CENPM: variants seen among roughly 807,000 people sequenced by gnomAD.
CENPM encodes centromere protein M, also known as interphase centromere complex protein 39.
CENPM carries 14 observed loss-of-function variants against 19.6 expected under a neutral mutation model. That is an observed-to-expected ratio of 0.71 (90% confidence interval 0.47 to 1.11). The LOEUF (loss-of-function observed/expected upper bound fraction) is 1.11, where lower values mean the gene tolerates loss of function less well. CENPM is among the 50% of genes most tolerant of loss of function. The probability of loss-of-function intolerance (pLI) is 0.00; values close to 1 mark genes in which losing one functional copy is unlikely to be tolerated. For missense variants in CENPM, 239 were observed against 228.4 expected (o/e 1.05, Z -0.30); for synonymous variants, 114 against 101.5 (o/e 1.12, Z -0.74).
intron 5 of CENPM, among the ~76,000 whole-genome samples, 168 bp from the exon 6 acceptor site, chr22:41,939,364 A>G (rs1055415875): frequency 2.6e-5 from 4 of 152,210 alleles, no homozygotes; most frequent in Non-Finnish European, 5.9e-5. Flanking sequence ...ACCTCAGAGT[A>G]GCTTCCAACT....
At chr22:41,938,014 G>A (rs976197637), downstream of CENPM, among the ~76,000 whole-genome samples, 4 of 147,666 alleles carry the variant, frequency 2.7e-5, no homozygotes, top group African/African-American at 1.0e-4. Flanking sequence ...TGGCTAATTT[G>A]TTTGTATTTT....
chr22:41,929,975 T>G, the CENPM span, among the ~76,000 whole-genome samples: 8 of 129,672 alleles, frequency 6.2e-5, no homozygotes, highest in East Asian at 2.7e-4. Context: ...ACGGAGTCTC[T>G]CTCTGTCGCC....
intron 5 of CENPM, among the ~76,000 whole-genome samples, chr22:41,941,823 G>T (rs1724133415): frequency 6.6e-6 from 1 of 152,252 alleles, no homozygotes; most frequent in Non-Finnish European, 1.5e-5. Flanking sequence ...GCGTGATAGA[G>T]TCAAGTGTGT....
At position 41,945,216 on chromosome 22, in the gene CENPM, C is replaced by A; in HGVS notation, c.310+9G>T. 1 of 1,613,932 alleles carries A rather than the reference C, an allele frequency of 6.2e-7. No individual in the cohort carries two copies. The highest frequency in any genetic ancestry group is 8.5e-7 in the Non-Finnish European group (1 of 1,179,972). On this transcript the variant is annotated intron_variant, in intron 4 of 5. Coordinates refer to ENST00000215980, the MANE Select transcript of CENPM (RefSeq NM_024053.5). ...GGGGTGGGCAGTAACAGGCGAGGAA[C>A]GTACTTACCACCTGTGGCGAGGAAA...
At chr22:41,928,132 G>A in the CENPM span, 1 of 395,180 alleles carries the variant, frequency 2.5e-6, no homozygotes, top group Non-Finnish European at 5.0e-6. The surrounding 1 kb of genome is among the most constrained non-coding windows in gnomAD (Gnocchi z 4.0). Flanking sequence ...ACACGAGGGA[G>A]CCACTGGGGC....
At position 41,943,648 on chromosome 22, in the gene CENPM, G is replaced by A; in HGVS notation, c.364C>T (p.His122Tyr). The A allele has an allele frequency of 1.9e-6, 3 of 1,613,902 alleles. No homozygotes were observed. The highest frequency in any genetic ancestry group is 2.5e-6 in the Non-Finnish European group (3 of 1,179,928). ...IHRHTVVKLA[H>Y]TYQSPLLYCD... ...TAGAGCAGGGGGCTTTGATAGGTGT[G>A]GGCCAGCTTCACCACGGTGTGCCGG... Residue 122 changes from histidine to tyrosine, a missense_variant, in exon 5 of 6, where the codon CAC (histidine) becomes TAC (tyrosine). By Grantham distance (83) the His-to-Tyr change is moderately conservative. Coordinates refer to ENST00000215980, the MANE Select transcript of CENPM (RefSeq NM_024053.5).
intron 5 of CENPM, among the ~76,000 whole-genome samples, chr22:41,939,868 GAAAGAAAGAAAAAGAA>G (rs2077719202): frequency 1.1e-4 from 1 of 9,296 alleles, no homozygotes; most frequent in African/African-American, 4.9e-4. Flanking sequence ...AAGAAAGAAA[GAAAGAAAGAAAAAGAA>G]AGAAAGAAAG....
chr22:41,940,339 GCACGTCATTTAC>G, intron 5 of CENPM: 1 of 579,734 alleles, frequency 1.7e-6, no homozygotes, highest in Non-Finnish European at 3.1e-6. Flanking sequence ...CCACTTTCCA[GCACGTCATTTAC>G]CCCATTTGTT....
chr22:41,932,584 G>C, the CENPM span, among the ~76,000 whole-genome samples: 1 of 152,264 alleles, frequency 6.6e-6, no homozygotes, highest in African/African-American at 2.4e-5. This position sits in a 1 kb window ranked among gnomAD's most constrained non-coding sequence, Gnocchi z 4.3. Flanking sequence ...GCACTCCACA[G>C]GGTCTGGCCA....
At chr22:41,944,032 G>T in intron 4 of CENPM, 1 of 888,988 alleles carries the variant, frequency 1.1e-6, no homozygotes, top group Non-Finnish European at 1.3e-6. Context: ...AGCTGGGAAG[G>T]CAGACAGGTC....
chr22:41,932,918 T>C, the CENPM span, among the ~76,000 whole-genome samples: 6 of 152,188 alleles, frequency 3.9e-5, no homozygotes, highest in East Asian at 1.9e-4. This position sits in a 1 kb window ranked among gnomAD's most constrained non-coding sequence, Gnocchi z 4.3. Context: ...AGGAGCTGTT[T>C]TGGGTTCTGG....
intron 5 of CENPM, among the ~76,000 whole-genome samples, chr22:41,939,860 G>GAAAGAA (rs2077718089): frequency 1.9e-4 from 1 of 5,384 alleles, no homozygotes; most frequent in African/African-American, 4.3e-4. Flanking sequence ...AAGAAAGAAA[G>GAAAGAA]AAAGAAAGAA....
Position 41,945,998 on chromosome 22 carries a change from C to T in CENPM, c.145G>A (p.Ala49Thr). ...DCASELKVHL[A>T]KSLPLPSSVN... ...CTGGAGGGCAAAGGGAGGGACTTTG[C>T]CAAGTGGCTGAAAAACAGGAAATTG... is the stretch of plus-strand genomic sequence containing the variant. Residue 49 changes from alanine (A) to threonine (T), a missense_variant, in exon 3 of 6, where the codon GCA becomes ACA. Physicochemically the swap from Ala to Thr is moderately conservative, Grantham distance 58 (BLOSUM62 0). Coordinates refer to ENST00000215980, the MANE Select transcript of CENPM (RefSeq NM_024053.5). 6.2e-7 allele frequency: 1 copy of T among 1,613,552 alleles called. No individual in the cohort carries two copies. Among genetic ancestry groups the T allele is most frequent in the East Asian group, 2.2e-5 (1 of 44,874 alleles).
the CENPM span, among the ~76,000 whole-genome samples, chr22:41,931,091 C>T: frequency 6.6e-6 from 1 of 151,878 alleles, no homozygotes; most frequent in Admixed American, 6.6e-5. Context: ...GCGCCTCGGC[C>T]TCCCAAAGTG....
chr22:41,933,746 G>C (rs916724964), downstream of CENPM, among the ~76,000 whole-genome samples: 1 of 152,192 alleles, frequency 6.6e-6, no homozygotes, highest in South Asian at 2.1e-4. Flanking sequence ...GGGTACACTG[G>C]AGGGGAGGGG....
In CENPM at chr22:41,945,257, A is replaced by G; in HGVS notation, c.278T>C (p.Phe93Ser). The G allele has an allele frequency of 6.2e-7, 1 of 1,613,924 alleles. No homozygotes were observed. Among genetic ancestry groups the G allele is most frequent in the South Asian group, 1.1e-5 (1 of 91,060 alleles). ...ESLRHVDASF[F>S]LGKVCFLATG... Reference sequence around the variant, plus strand: ...GGCGAGGAAACACACCTTCCCCAAGAAGAAGCTGGCATCCACATGGCGCAG... The same window carrying G: ...GGCGAGGAAACACACCTTCCCCAAGGAGAAGCTGGCATCCACATGGCGCAG... Residue 93 changes from phenylalanine to serine, a missense_variant, in exon 4 of 6, where the codon TTC (phenylalanine) becomes TCC (serine). By Grantham distance (155) the Phe-to-Ser change is radical. Transcript: ENST00000215980.
At chr22:41,937,748 C>CTTTT (rs376687653), downstream of CENPM, among the ~76,000 whole-genome samples, 2,023 of 152,282 alleles carry the variant, frequency 0.013, 24 homozygotes, top group Middle Eastern at 0.038. Flanking sequence ...TCTGAGAAAA[C>CTTTT]AAGCTCCAAG....
the CENPM span, among the ~76,000 whole-genome samples, chr22:41,927,842 T>C: frequency 6.6e-6 from 1 of 152,180 alleles, no homozygotes; most frequent in Non-Finnish European, 1.5e-5. Flanking sequence ...CATGTGGGTC[T>C]GCCCTGAGGG....
At chr22:41,935,390 C>T (rs2077679336), downstream of CENPM, among the ~76,000 whole-genome samples, 1 of 152,106 alleles carries the variant, frequency 6.6e-6, no homozygotes, top group Non-Finnish European at 1.5e-5. Context: ...CTTGGACACC[C>T]ATTCCATCAG....
Sources: gnomAD v4.1 joint callset for allele counts (sites outside exome capture counted in the v4.1 genomes callset) on GRCh38, gnomAD v4.1.1 for gene constraint, Gnocchi (gnomAD v3.1) non-coding constraint, MANE v1.5 for transcripts, NCBI Gene and HGNC (gene_info 2026-07-23, HGNC 2026-07-21) for gene names.